GARNL3: variants seen among roughly 807,000 people sequenced by gnomAD.
GARNL3 encodes GTPase activating Rap/RanGAP domain like 3, also known as GTPase-activating Rap/Ran-GAP domain-like protein 3.
A neutral mutation model predicts 125.0 loss-of-function variants in GARNL3; 63 were observed. The observed-to-expected ratio is 0.50, with a 90% CI of 0.41 to 0.62. The LOEUF is 0.62. Among genes scored for constraint, GARNL3 ranks in the 20% least tolerant of loss-of-function variants. The probability of loss-of-function intolerance (pLI) is 0.00; values close to 1 mark genes in which losing one functional copy is unlikely to be tolerated. For synonymous variants in GARNL3, 439 were observed against 457.5 expected (o/e 0.96, Z 0.52); for missense variants, 994 against 1,244.0 (o/e 0.80, Z 3.02).
intron 6 of GARNL3, 72 bp from the exon 7 acceptor site, chr9:127,324,997 G>T: frequency 1.4e-6 from 2 of 1,437,170 alleles, no homozygotes; most frequent in Non-Finnish European, 2.0e-6. Context: ...CCAAAGCTTG[G>T]CTTTCACAGC....
chr9:127,322,135 T>A (rs145210629), intron 6 of GARNL3, among the ~76,000 whole-genome samples: 109 of 152,296 alleles, frequency 7.2e-4, no homozygotes, highest in African/African-American at 2.0e-3. Flanking sequence ...AAGTGATACT[T>A]TATAGCAAAT....
intron 2 of GARNL3, among the ~76,000 whole-genome samples, chr9:127,297,605 T>C (rs948801756): frequency 3.5e-4 from 53 of 152,380 alleles, no homozygotes; most frequent in African/African-American, 1.3e-3. Context: ...TGTGTTGATA[T>C]AGGCACATAG....
chr9:127,366,945 C>CT (rs3839882), intron 22 of GARNL3: 23,733 of 152,160 alleles, frequency 0.16, 2,195 homozygotes, highest in South Asian at 0.34. Flanking sequence ...CGGTGTGTGT[C>CT]TGTTTTCATA....
intron 21 of GARNL3, among the ~76,000 whole-genome samples, chr9:127,357,926 T>C (rs1830775165): frequency 6.6e-6 from 1 of 152,170 alleles, no homozygotes; most frequent in Non-Finnish European, 1.5e-5. Context: ...TCTTGGGGAC[T>C]GGGTGTTTGG....
chr9:127,282,013 C>G (rs1214045530), intron 1 of GARNL3, among the ~76,000 whole-genome samples: 1 of 152,296 alleles, frequency 6.6e-6, no homozygotes, highest in Middle Eastern at 3.4e-3. Flanking sequence ...CCCAGTTCCC[C>G]CAGGCAGAGT....
intron 2 of GARNL3, among the ~76,000 whole-genome samples, chr9:127,303,018 G>A (rs1484916208): frequency 1.3e-5 from 2 of 152,154 alleles, no homozygotes; most frequent in Non-Finnish European, 2.9e-5. Context: ...AGGCGTGGTA[G>A]TGGGTGCCTG....
At chr9:127,360,298 A>C (rs1351084824) in intron 21 of GARNL3, among the ~76,000 whole-genome samples, 2 of 152,186 alleles carry the variant, frequency 1.3e-5, no homozygotes, top group Admixed American at 1.3e-4. Context: ...CTAGGATTAC[A>C]GGTGTGAGCC....
At chr9:127,336,823 C>T (rs773806738) in intron 11 of GARNL3, among the ~76,000 whole-genome samples, 1 of 152,226 alleles carries the variant, frequency 6.6e-6, no homozygotes, top group Non-Finnish European at 1.5e-5. Context: ...GCTTGACCTG[C>T]CCAGCAGACA....
At chr9:127,241,265 T>G (rs1230986353) in intron 1 of GARNL3, among the ~76,000 whole-genome samples, 1 of 152,172 alleles carries the variant, frequency 6.6e-6, no homozygotes, top group Non-Finnish European at 1.5e-5. Context: ...ACAAGTATTA[T>G]CTTTGTAATT....
chr9:127,293,866 A>G (rs2064501411), intron 2 of GARNL3, among the ~76,000 whole-genome samples: 2 of 152,180 alleles, frequency 1.3e-5, no homozygotes, highest in Non-Finnish European at 2.9e-5. Flanking sequence ...TAAACCAAAT[A>G]CCCATCTTGA....
At chr9:127,354,535 A>G in intron 19 of GARNL3, 125 bp downstream of exon 19, 2 of 595,262 alleles carry the variant, frequency 3.4e-6, no homozygotes, top group Admixed American at 2.9e-5. Flanking sequence ...GTTTGGAAAC[A>G]TCACAAAAAT....
intron 1 of GARNL3, among the ~76,000 whole-genome samples, chr9:127,273,101 G>A (rs2063864146): frequency 6.6e-6 from 1 of 152,098 alleles, no homozygotes; most frequent in South Asian, 2.1e-4. Flanking sequence ...AAAACCATAT[G>A]AGGTAGGCAT....
chr9:127,312,159 T>C (rs568341529), intron 3 of GARNL3, among the ~76,000 whole-genome samples: 1 of 152,306 alleles, frequency 6.6e-6, no homozygotes, highest in South Asian at 2.1e-4. Context: ...TAGAGAGACA[T>C]TAGACTGTAG....
chr9:127,234,182 TCTC>T, intron 1 of GARNL3, among the ~76,000 whole-genome samples: 1 of 152,196 alleles, frequency 6.6e-6, no homozygotes, highest in East Asian at 1.9e-4. Context: ...TTATGTCTGT[TCTC>T]CTAAGAGCAG....
intron 1 of GARNL3, among the ~76,000 whole-genome samples, chr9:127,236,469 G>A (rs2063114149): frequency 6.6e-6 from 1 of 152,196 alleles, no homozygotes; most frequent in African/African-American, 2.4e-5. Flanking sequence ...AGGGTCTCTA[G>A]ACCTATTGTC....
In GARNL3 at chr9:127,306,010, C is replaced by T. The variant is rs140961431; in HGVS notation, c.220-5626C>T. On this transcript the variant is annotated intron_variant, in intron 2 of 27. Coordinates refer to ENST00000373387, the MANE Select transcript of GARNL3 (RefSeq NM_032293.5). ...CTCTGCGATGCTGAGCAGCACCTTG[C>T]GCCTCCCTGTGGTGTTCCATTCTAC... is the stretch of plus-strand genomic sequence containing the variant. 4.2e-3 allele frequency among the ~76,000 whole-genome samples: 644 copies of T among 152,236 alleles called. 5 individuals are homozygous for T. The highest frequency in any genetic ancestry group is 0.014 in the African/African-American group (578 of 41,544).
chr9:127,364,136 GATGTGGA>G lies in GARNL3; in HGVS notation c.2095-1161_2095-1155del, dbSNP rs1564181748. On this transcript the variant is annotated intron_variant, in intron 21 of 27. Coordinates refer to ENST00000373387, the MANE Select transcript of GARNL3 (RefSeq NM_032293.5). This position sits in a 1 kb window ranked among gnomAD's most constrained non-coding sequence, Gnocchi z 4.2. The stretch of plus-strand genomic sequence containing the variant: ...ACTACCTCCTGCTTTTAATGACTTG[GATGTGGA>G]ATCAGTTACATCTGAGAACAAACGA... 6.6e-6 allele frequency: 1 copy of G among 152,274 alleles called. No homozygotes were observed. Among genetic ancestry groups the G allele is most frequent in the East Asian group, 1.9e-4 (1 of 5,204 alleles). 9.4% of individuals were successfully genotyped at this position (152,274 alleles called of 1,614,324 possible).
At chr9:127,230,511 G>A (rs536122078) in intron 1 of GARNL3, among the ~76,000 whole-genome samples, 2 of 152,062 alleles carry the variant, frequency 1.3e-5, no homozygotes, top group East Asian at 1.9e-4. Flanking sequence ...AAAATTAGCC[G>A]ACGTGGTGGC....
At position 127,385,267 on chromosome 9, in the gene GARNL3, C is replaced by T; in HGVS notation, c.2388+122C>T. The T allele has an allele frequency of 1.8e-6, 1 of 557,942 alleles. No individual in the cohort carries two copies. Among genetic ancestry groups the T allele is most frequent in the South Asian group, 2.4e-5 (1 of 41,656 alleles). The allele number at this position is 557,942 out of a possible 1,614,324, so 34.6% of individuals were successfully genotyped here. ...CTGATGAAGACCGGTGTCAGAATGC[C>T]AGCACGAGATGGAAAGCCTGAAACC... On this transcript the variant is annotated intron_variant, in intron 24 of 27. Coordinates refer to ENST00000373387, the MANE Select transcript of GARNL3 (RefSeq NM_032293.5). The surrounding 1 kb of genome is among the most constrained non-coding windows in gnomAD (Gnocchi z 4.1).
Sources: gnomAD v4.1 joint callset for allele counts (sites outside exome capture counted in the v4.1 genomes callset) on GRCh38, gnomAD v4.1.1 for gene constraint, Gnocchi (gnomAD v3.1) non-coding constraint, MANE v1.5 for transcripts, NCBI Gene and HGNC (gene_info 2026-07-23, HGNC 2026-07-21) for gene names.